Variants in FKBP11 observed in about 807,000 individuals in gnomAD.
FKBP11 encodes the protein FKBP prolyl isomerase 11.
A neutral mutation model predicts 24.7 loss-of-function variants in FKBP11; 21 were observed. The observed-to-expected ratio is 0.85, with a 90% confidence interval of 0.60 to 1.23. The LOEUF is 1.23. Among genes scored for constraint, FKBP11 ranks in the 50% most tolerant of loss-of-function variants. FKBP11 has a pLI of 0.00. For missense variants in FKBP11, 245 were observed against 248.7 expected, an observed-to-expected ratio of 0.99 and a Z score of 0.10; for synonymous variants, 106 against 100.6, an observed-to-expected ratio of 1.05 and a Z score of -0.32.
the FKBP11 span, among the ~76,000 whole-genome samples, chr12:48,933,049 C>T: frequency 6.6e-6 from 1 of 152,220 alleles, no homozygotes. Context: ...GCCAACATGA[C>T]ACACACAAAC....
the FKBP11 span, chr12:48,931,529 A>G: frequency 8.9e-6 from 13 of 1,455,436 alleles, no homozygotes; most frequent in Non-Finnish European, 1.1e-5. Context: ...AAGATAGGAG[A>G]GTTGGCCCAC....
rs1939903105 is a variant in FKBP11, at chr12:48,924,273, C to G, written c.284-17G>C. On this transcript the variant is annotated splice_polypyrimidine_tract_variant and intron_variant, in intron 3 of 5. Coordinates refer to ENST00000550765, the MANE Select transcript of FKBP11 (RefSeq NM_016594.3). ...GCTCCAGACCTTGAAGAAGAAGACA[C>G]AACTGAACTGGAAGCTATCCACCTT... The G allele has an allele frequency of 1.1e-5, 18 of 1,614,200 alleles. No homozygotes were observed. Among genetic ancestry groups the G allele is most frequent in the Non-Finnish European group, 1.5e-5 (18 of 1,180,018 alleles).
At chr12:48,928,815 TA>T, upstream of FKBP11, among the ~76,000 whole-genome samples, 11 of 134,986 alleles carry the variant, frequency 8.1e-5, no homozygotes, top group East Asian at 6.7e-4. Context: ...AATAAACTTC[TA>T]TCTTTTTTTT....
chr12:48,925,596 A>C, upstream of FKBP11: 1 of 876,132 alleles, frequency 1.1e-6, no homozygotes, highest in Non-Finnish European at 1.7e-6. Context: ...CCACCTCCGA[A>C]AGGGAGGAGG....
intron 4 of FKBP11, 28 bp downstream of exon 4, chr12:48,924,191 GTACC>G (rs1400881906): frequency 1.9e-6 from 3 of 1,613,600 alleles, no homozygotes; most frequent in African/African-American, 2.7e-5. Context: ...TGCAAAGGGG[GTACC>G]CAGGCCCACC....
the FKBP11 span, chr12:48,938,585 G>A: frequency 4.4e-6 from 2 of 457,668 alleles, no homozygotes; most frequent in Non-Finnish European, 8.8e-6. Context: ...TGTGGGGACA[G>A]GGAAAGGACT....
chr12:48,932,262 T>TATATATATATA, the FKBP11 span, among the ~76,000 whole-genome samples: 11 of 27,442 alleles, frequency 4.0e-4, no homozygotes, highest in Non-Finnish European at 5.3e-4. Context: ...TATATATATA[T>TATATATATATA]TTTTTTTTTT....
Position 48,925,489 on chromosome 12 carries a change from G to C in FKBP11, c.-61C>G. The C allele has an allele frequency of 1.3e-6, 2 of 1,514,490 alleles. No individual in the cohort carries two copies. Among genetic ancestry groups the C allele is most frequent in the South Asian group, 2.5e-5 (2 of 81,120 alleles). 93.8% of individuals were successfully genotyped at this position (1,514,490 alleles called of 1,614,324 possible). A position where few individuals can be genotyped will look rare whatever the true frequency, so the allele number is the denominator to read the frequency against. Reference sequence around the variant, plus strand: ...CAGGCTGTTCGGGTGGCGGCAGCCAGGACAGCGTTCCCGCGGCGCCCAGGC... The same window carrying C: ...CAGGCTGTTCGGGTGGCGGCAGCCACGACAGCGTTCCCGCGGCGCCCAGGC... On this transcript the variant is annotated 5_prime_UTR_variant, in exon 1 of 6. Coordinates refer to ENST00000550765, the MANE Select transcript of FKBP11 (RefSeq NM_016594.3).
At chr12:48,923,589 A>G in intron 5 of FKBP11, 193 bp downstream of exon 5, 1 of 1,552,170 alleles carries the variant, frequency 6.4e-7, no homozygotes. Flanking sequence ...TGGCCTCATC[A>G]GGTTGTCTTT....
Position 48,925,337 on chromosome 12 carries a change from G to C in FKBP11, c.92C>G (p.Thr31Ser). The change falls in exon 1 of 6, where the codon ACC becomes AGC. Residue 31 changes from threonine to serine, a missense_variant. Coordinates refer to ENST00000550765, the MANE Select transcript of FKBP11 (RefSeq NM_016594.3). Reference sequence around the variant, plus strand: ...TTGGAGGGTCCGGACGGGACTTTCGGTTTCGAGCCCAGCCTCAGCCCGGCA... The same window carrying C: ...TTGGAGGGTCCGGACGGGACTTTCGCTTTCGAGCCCAGCCTCAGCCCGGCA... Reference protein sequence around the residue: ...AVCRAEAGLETESPVRTLQVE... With the variant: ...AVCRAEAGLESESPVRTLQVE... The C allele has an allele frequency of 6.2e-7, 1 of 1,610,502 alleles. No homozygotes were observed. Among genetic ancestry groups the C allele is most frequent in the Non-Finnish European group, 8.5e-7 (1 of 1,179,040 alleles).
At chr12:48,932,114 C>T in the FKBP11 span, among the ~76,000 whole-genome samples, 1 of 148,414 alleles carries the variant, frequency 6.7e-6, no homozygotes, top group African/African-American at 2.5e-5. Flanking sequence ...AGTTTGAAAC[C>T]AGCTTGGGCA....
chr12:48,925,005 G>GCCCCCAACCCCGC, intron 2 of FKBP11, 41 bp downstream of exon 2: 1 of 1,573,326 alleles, frequency 6.4e-7, no homozygotes, highest in Non-Finnish European at 8.6e-7. Context: ...GCAGGGCGCC[G>GCCCCCAACCCCGC]CCCCCTCCCA....
At chr12:48,933,990 C>T in the FKBP11 span, among the ~76,000 whole-genome samples, 1 of 152,160 alleles carries the variant, frequency 6.6e-6, no homozygotes, top group Non-Finnish European at 1.5e-5. Flanking sequence ...TACAGATGTC[C>T]CAAAAGGATT....
At chr12:48,924,992 T>G in intron 2 of FKBP11, 54 bp downstream of exon 2, 1 of 1,571,620 alleles carries the variant, frequency 6.4e-7, no homozygotes, top group Non-Finnish European at 8.6e-7. Flanking sequence ...CTGACGTGTT[T>G]CAGCAGGGCG....
chr12:48,923,148 C>CA (rs762759183), intron 5 of FKBP11: 119,041 of 825,580 alleles, frequency 0.14, 985 homozygotes, highest in Non-Finnish European at 0.16. Flanking sequence ...AACTCCATCT[C>CA]AAAAAAAAAA....
chr12:48,931,432 A>C (rs1940049397), upstream of FKBP11: 1 of 1,536,074 alleles, frequency 6.5e-7, no homozygotes, highest in African/African-American at 1.4e-5. Flanking sequence ...GCCCATCTGC[A>C]CCCTGGAGGG....
chr12:48,924,442 C>T, intron 3 of FKBP11, 119 bp downstream of exon 3: 12 of 1,156,048 alleles, frequency 1.0e-5, no homozygotes, highest in Non-Finnish European at 1.5e-5. Flanking sequence ...GGAGGTAACT[C>T]GTAGAGCCCT....
rs754977951 is a variant in FKBP11 at position 48,925,081 on chromosome 12, C to A, written c.160G>T (p.Ala54Ser). The A allele has an allele frequency of 6.2e-7, 1 of 1,613,782 alleles. No homozygotes were observed. Among genetic ancestry groups the A allele is most frequent in the East Asian group, 2.2e-5 (1 of 44,864 alleles). Residue 54 changes from alanine (A) to serine (S), a missense_variant, in exon 2 of 6, where the codon GCT becomes TCT. Coordinates refer to ENST00000550765, the MANE Select transcript of FKBP11 (RefSeq NM_016594.3). ...ATGTGAAGCGTGTCTCCAAAAGCAG[C>A]GGGCTCGGCACATGGTTCTGGGGGC... is the stretch of plus-strand genomic sequence containing the variant. The part of the protein sequence containing the change: ...VEPPEPCAEP[A>S]AFGDTLHIHY...
chr12:48,927,176 TTC>T (rs1939987639), upstream of FKBP11, among the ~76,000 whole-genome samples: 2 of 152,194 alleles, frequency 1.3e-5, no homozygotes, highest in Admixed American at 1.3e-4. Context: ...TATCTCCTGT[TTC>T]TGTTAGTGGC....
Sources: gnomAD v4.1 joint callset for allele counts (sites outside exome capture counted in the v4.1 genomes callset) on GRCh38, gnomAD v4.1.1 for gene constraint, MANE v1.5 for transcripts, NCBI Gene and HGNC (gene_info 2026-07-23, HGNC 2026-07-21) for gene names.